GAP43: variants seen among roughly 807,000 people sequenced by gnomAD.
GAP43 encodes neuromodulin.
GAP43 carries 6 observed loss-of-function variants against 18.6 expected under a neutral mutation model. The observed-to-expected ratio is 0.32, with a 90% confidence interval of 0.18 to 0.64. The LOEUF is 0.64. Among genes scored for constraint, GAP43 ranks in the 30% least tolerant of loss-of-function variants. GAP43 has a pLI of 0.78. For missense variants in GAP43, 292 were observed against 295.5 expected, an observed-to-expected ratio of 0.99 and a Z score of 0.09; for synonymous variants, 115 against 111.4, an observed-to-expected ratio of 1.03 and a Z score of -0.20.
chr3:115,683,875 T>C (rs988111445), intron 2 of GAP43, among the ~76,000 whole-genome samples: 10 of 152,066 alleles, frequency 6.6e-5, no homozygotes, highest in African/African-American at 2.4e-4. Flanking sequence ...ATTTGACCAA[T>C]AGTGAAATTA....
At chr3:115,708,662 G>C (rs916428251) in intron 2 of GAP43, among the ~76,000 whole-genome samples, 1 of 152,180 alleles carries the variant, frequency 6.6e-6, no homozygotes, top group African/African-American at 2.4e-5. Context: ...GTACTGGAGT[G>C]GAGTCATGGT....
At chr3:115,675,934 A>G in intron 1 of GAP43, 79 bp from the exon 2 acceptor site, 1 of 1,521,166 alleles carries the variant, frequency 6.6e-7, no homozygotes. Context: ...ATCACTTAAT[A>G]AATACTTGTT....
In GAP43 at chr3:115,683,139, G is replaced by GCA. The variant is rs1247509041; in HGVS notation, c.628+6530_628+6531insAC. ...TACATACATGTGCGCGCGCGTGCGC[G>GCA]CGCGCGCGCACACACACACACACAC... is the stretch of plus-strand genomic sequence containing the variant. On this transcript the variant is annotated intron_variant, in intron 2 of 2. Transcript: ENST00000305124. Among the ~76,000 whole-genome samples, 2 of 126,204 alleles carry GCA rather than the reference G, an allele frequency of 1.6e-5. 1 individual carries two copies. The highest frequency in any genetic ancestry group is 6.2e-5 in the African/African-American group (2 of 32,330). The allele number at this position is 126,204 out of a possible 152,430, so 82.8% of individuals were successfully genotyped here. A position where few individuals can be genotyped will look rare whatever the true frequency, so the allele number is the denominator to read the frequency against.
chr3:115,695,307 T>C (rs1709170838), intron 2 of GAP43, among the ~76,000 whole-genome samples: 1 of 152,200 alleles, frequency 6.6e-6, no homozygotes, highest in East Asian at 1.9e-4. Flanking sequence ...TCAAGCACTG[T>C]TAAAATAGAT....
rs370406912 is a variant in GAP43 at position 115,671,587 on chromosome 3, G to A, written c.31-4426G>A. On this transcript the variant is annotated intron_variant, in intron 1 of 2. Coordinates refer to ENST00000305124, the MANE Select transcript of GAP43 (RefSeq NM_002045.4). ...ATTCCTGAAAAACTTATGGTAACTC[G>A]TAATGACACCCTTCCTACCTATAAT... 1.9e-4 allele frequency among the ~76,000 whole-genome samples: 29 copies of A among 152,254 alleles called. No individual in the cohort carries two copies. In the East Asian group the frequency reaches 3.5e-3, roughly 18 times the overall value.
intron 1 of GAP43, chr3:115,663,794 T>G: frequency 6.4e-7 from 1 of 1,551,768 alleles, no homozygotes; most frequent in Non-Finnish European, 8.7e-7. Context: ...AAAGTCCTGC[T>G]CTGAATTATG....
At chr3:115,710,843 AT>A (rs917407061) in intron 2 of GAP43, among the ~76,000 whole-genome samples, 2 of 152,058 alleles carry the variant, frequency 1.3e-5, no homozygotes, top group East Asian at 1.9e-4. Flanking sequence ...AACATAGCCT[AT>A]TTTTTTTCCT....
chr3:115,660,932 T>G (rs140854599), intron 1 of GAP43, among the ~76,000 whole-genome samples: 25 of 152,296 alleles, frequency 1.6e-4, no homozygotes, highest in African/African-American at 6.0e-4. Context: ...CAGGTCACTG[T>G]GCTCCCTTAG....
intron 1 of GAP43, among the ~76,000 whole-genome samples, chr3:115,673,391 A>G (rs546787685): frequency 6.6e-6 from 1 of 152,306 alleles, no homozygotes; most frequent in East Asian, 1.9e-4. Context: ...TAAAGAAAAG[A>G]CAGAGCTCTA....
intron 2 of GAP43, among the ~76,000 whole-genome samples, chr3:115,681,724 G>T (rs1051996322): frequency 3.9e-5 from 6 of 152,192 alleles, no homozygotes; most frequent in African/African-American, 1.4e-4. Context: ...TTTATTAACT[G>T]CCAGGTCCTG....
rs549372206 is a variant in GAP43, at chr3:115,624,341, G to C, written c.30+622G>C. Among the ~76,000 whole-genome samples the C allele has an allele frequency of 2.6e-5, 4 of 152,018 alleles. No individual in the cohort carries two copies. In the East Asian group the frequency reaches 7.8e-4, roughly 29 times the overall value. On this transcript the variant is annotated intron_variant, in intron 1 of 2. Coordinates refer to ENST00000305124, the MANE Select transcript of GAP43 (RefSeq NM_002045.4). ...AGAGAAGCTAAGACAACTGGGGCTG[G>C]GGGAGAAATTGGCCATGCAGAAGGA...
chr3:115,719,577 T>C (rs193057534), intron 2 of GAP43, among the ~76,000 whole-genome samples: 26 of 152,342 alleles, frequency 1.7e-4, no homozygotes, highest in African/African-American at 4.1e-4. Flanking sequence ...CCATGTGTTA[T>C]GGTAATTTAT....
chr3:115,664,497 T>C (rs1708707129), intron 1 of GAP43, among the ~76,000 whole-genome samples: 1 of 152,188 alleles, frequency 6.6e-6, no homozygotes, highest in Non-Finnish European at 1.5e-5. Context: ...GATTCTAATA[T>C]GGGTGATAAG....
chr3:115,634,849 A>G (rs773267264), intron 1 of GAP43, among the ~76,000 whole-genome samples: 2 of 152,152 alleles, frequency 1.3e-5, no homozygotes, highest in Non-Finnish European at 2.9e-5. Context: ...TTATTTGTCC[A>G]TGTTGTACTG....
In GAP43 at chr3:115,644,470, C is replaced by A. The variant is rs183670645; in HGVS notation, c.30+20751C>A. ...ATTCTAAGCACTGAATAAGACAGAG[C>A]ATCCATTCCACACCCTATTTCCATT... On this transcript the variant is annotated intron_variant, in intron 1 of 2. Transcript: ENST00000305124. The surrounding 1 kb of genome is among the most constrained non-coding windows in gnomAD (Gnocchi z 4.2). Among the ~76,000 whole-genome samples the A allele has an allele frequency of 2.6e-5, 4 of 152,126 alleles. No individual in the cohort carries two copies. The highest frequency in any genetic ancestry group is 2.0e-4 in the Admixed American group (3 of 15,264).
intron 1 of GAP43, among the ~76,000 whole-genome samples, chr3:115,650,745 C>T (rs1708511222): frequency 6.6e-6 from 1 of 151,162 alleles, no homozygotes; most frequent in Admixed American, 6.6e-5. Flanking sequence ...TAAAATCATA[C>T]TCTAGTCTTT....
intron 1 of GAP43, among the ~76,000 whole-genome samples, chr3:115,633,503 G>T (rs1421290728): frequency 6.6e-6 from 1 of 152,170 alleles, no homozygotes; most frequent in Non-Finnish European, 1.5e-5. Context: ...CTTATCTCAA[G>T]TGTGGTGGAC....
chr3:115,631,445 TAA>T (rs1028534085), intron 1 of GAP43, among the ~76,000 whole-genome samples: 4 of 152,194 alleles, frequency 2.6e-5, no homozygotes, highest in Non-Finnish European at 5.9e-5. Context: ...GAGATAACAA[TAA>T]AAGTGTTTTG....
At chr3:115,691,121 A>T (rs1156906973) in intron 2 of GAP43, among the ~76,000 whole-genome samples, 3 of 152,222 alleles carry the variant, frequency 2.0e-5, no homozygotes, top group Non-Finnish European at 2.9e-5. Flanking sequence ...TCCTACAGGT[A>T]AAATAGTGGA....
Sources: gnomAD v4.1 joint callset for allele counts (sites outside exome capture counted in the v4.1 genomes callset) on GRCh38, gnomAD v4.1.1 for gene constraint, Gnocchi (gnomAD v3.1) non-coding constraint, MANE v1.5 for transcripts, NCBI Gene and HGNC (gene_info 2026-07-23, HGNC 2026-07-21) for gene names.